Variants in DYM observed in about 807,000 individuals in gnomAD.
The protein encoded by DYM is dyggve-Melchior-Clausen syndrome protein.
DYM carries 78 observed loss-of-function variants against 93.1 expected under a neutral mutation model. The observed-to-expected ratio is 0.84, with a 90% CI of 0.70 to 1.01. The LOEUF is 1.01. Ranked by LOEUF, DYM falls within the 50% of genes least tolerant of loss-of-function variation. DYM has a pLI of 0.00. For missense variants in DYM, 789 were observed against 845.0 expected (o/e 0.93, Z 0.82); for synonymous variants, 321 against 319.7 (o/e 1.00, Z -0.04).
At chr18:49,416,248 G>T (rs904028659) in intron 2 of DYM, among the ~76,000 whole-genome samples, 3 of 152,234 alleles carry the variant, frequency 2.0e-5, no homozygotes, top group Admixed American at 6.5e-5. Context: ...ACATGGTAGG[G>T]GTTATTATTT....
At chr18:49,170,833 G>A (rs1241991110) in intron 14 of DYM, among the ~76,000 whole-genome samples, 5 of 129,880 alleles carry the variant, frequency 3.8e-5, no homozygotes, top group Admixed American at 2.4e-4. Flanking sequence ...CACCAAGACC[G>A]AAAGGGTGAA....
chr18:49,459,899 G>A (rs551976551), intron 1 of DYM, among the ~76,000 whole-genome samples: 27 of 148,630 alleles, frequency 1.8e-4, no homozygotes, highest in Admixed American at 1.5e-3. Context: ...ACTGCTAATG[G>A]GTACGAGCTT....
chr18:49,065,907 T>A (rs1179656286), intron 17 of DYM, among the ~76,000 whole-genome samples: 1 of 152,088 alleles, frequency 6.6e-6, no homozygotes, highest in Admixed American at 6.5e-5. Context: ...AGAGGGAGAA[T>A]AATTTTCCAT....
intron 17 of DYM, among the ~76,000 whole-genome samples, chr18:49,059,382 C>T (rs1261211752): frequency 6.6e-6 from 1 of 152,206 alleles, no homozygotes; most frequent in East Asian, 1.9e-4. Context: ...CGAACTAAGA[C>T]AAAAGGTGAC....
chr18:49,288,974 A>T (rs74548407), intron 8 of DYM, among the ~76,000 whole-genome samples: 14,278 of 152,150 alleles, frequency 0.094, 870 homozygotes, highest in East Asian at 0.31. Context: ...GAAGTATACA[A>T]CCATTCACAT....
intron 15 of DYM, among the ~76,000 whole-genome samples, chr18:49,150,681 TG>T (rs2085716288): frequency 6.6e-6 from 1 of 152,196 alleles, no homozygotes; most frequent in South Asian, 2.1e-4. Flanking sequence ...CTACAGAAGA[TG>T]GATCATTCAT....
chr18:49,212,381 A>C (rs189323479), intron 13 of DYM, among the ~76,000 whole-genome samples: 1 of 152,354 alleles, frequency 6.6e-6, no homozygotes, highest in Non-Finnish European at 1.5e-5. Flanking sequence ...CTGTAAACTT[A>C]TTCTCAACCA....
At position 49,272,225 on chromosome 18, in the gene DYM, A is replaced by G; in HGVS notation, c.1204T>C (p.Leu402=). 6.2e-7 allele frequency: 1 copy of G among 1,610,084 alleles called. No individual in the cohort carries two copies. The highest frequency in any genetic ancestry group is 1.1e-5 in the South Asian group (1 of 90,974). ...HHVYMALIIL[L]ILTEDDGFNR... ...AAGCCATCATCTTCCGTAAGGATCA[A>G]CAATATTATAAGGGCCATATACACA... Residue 402 remains leucine, a synonymous_variant, in exon 11 of 18, where the codon TTG becomes CTG. Coordinates refer to ENST00000675505, the MANE Select transcript of DYM (RefSeq NM_001353214.3).
At chr18:49,318,742 A>G (rs1408252860) in intron 8 of DYM, among the ~76,000 whole-genome samples, 1 of 152,074 alleles carries the variant, frequency 6.6e-6, no homozygotes, top group Non-Finnish European at 1.5e-5. Context: ...TTAGTTACTC[A>G]AATAGCATCT....
intron 14 of DYM, among the ~76,000 whole-genome samples, chr18:49,180,544 T>C (rs1287456348): frequency 6.6e-6 from 1 of 152,144 alleles, no homozygotes; most frequent in Admixed American, 6.5e-5. Flanking sequence ...GATAAATGAT[T>C]GTAAATTTTA....
chr18:49,252,136 T>C (rs1328534168), intron 13 of DYM, among the ~76,000 whole-genome samples: 1 of 137,922 alleles, frequency 7.3e-6, no homozygotes, highest in Non-Finnish European at 1.5e-5. Flanking sequence ...GAGAGTTGCT[T>C]GAACCTGGGA....
intron 8 of DYM, among the ~76,000 whole-genome samples, chr18:49,327,641 G>A (rs2146729717): frequency 6.6e-6 from 1 of 152,226 alleles, no homozygotes; most frequent in South Asian, 2.1e-4. Context: ...ACGGACATGA[G>A]CCACTGCACC....
chr18:49,379,066 T>A (rs1043800205), intron 4 of DYM, among the ~76,000 whole-genome samples: 1 of 152,152 alleles, frequency 6.6e-6, no homozygotes, highest in African/African-American at 2.4e-5. Flanking sequence ...TATGCAAATA[T>A]GTAACCAAAA....
At chr18:49,249,729 C>T (rs909098180) in intron 13 of DYM, among the ~76,000 whole-genome samples, 1 of 151,718 alleles carries the variant, frequency 6.6e-6, no homozygotes, top group East Asian at 1.9e-4. Flanking sequence ...GAAAAGGCAA[C>T]TCATATAAAA....
chr18:49,216,314 C>A (rs1373433752), intron 13 of DYM, among the ~76,000 whole-genome samples: 2 of 152,234 alleles, frequency 1.3e-5, no homozygotes, highest in Non-Finnish European at 2.9e-5. Flanking sequence ...GGCTCCACCT[C>A]TGGGGGCAAG....
intron 14 of DYM, among the ~76,000 whole-genome samples, chr18:49,200,335 A>C (rs968875432): frequency 6.6e-6 from 1 of 151,970 alleles, no homozygotes; most frequent in Non-Finnish European, 1.5e-5. Context: ...ATTTTTATAC[A>C]TTATCTGGTT....
chr18:49,263,859 T>G (rs1387712496), intron 11 of DYM, among the ~76,000 whole-genome samples: 5 of 152,174 alleles, frequency 3.3e-5, no homozygotes, highest in Non-Finnish European at 7.3e-5. Context: ...GTAAAATAGA[T>G]TCCTCAGCCA....
chr18:49,408,272 T>C (rs754624467), intron 2 of DYM, among the ~76,000 whole-genome samples: 14 of 152,226 alleles, frequency 9.2e-5, no homozygotes, highest in Non-Finnish European at 1.8e-4. Flanking sequence ...AACGGCTATA[T>C]GTTGTTCCAG....
At chr18:49,407,576 T>G (rs2071652268) in intron 2 of DYM, among the ~76,000 whole-genome samples, 1 of 152,162 alleles carries the variant, frequency 6.6e-6, no homozygotes, top group Non-Finnish European at 1.5e-5. Flanking sequence ...CACACTCTTT[T>G]AAACAACTAG....
Sources: gnomAD v4.1 joint callset for allele counts (sites outside exome capture counted in the v4.1 genomes callset) on GRCh38, gnomAD v4.1.1 for gene constraint, MANE v1.5 for transcripts, NCBI Gene and HGNC (gene_info 2026-07-23, HGNC 2026-07-21) for gene names.